The following AVEN variants were observed in gnomAD, a reference collection of about 807,000 sequenced individuals.
AVEN encodes cell death regulator Aven.
In AVEN, 41 loss-of-function variants were observed where a neutral mutation model predicts 38.1. That is an observed-to-expected ratio of 1.08 (90% confidence interval 0.84 to 1.40). The LOEUF (loss-of-function observed/expected upper bound fraction) is 1.40. Ranked by LOEUF, AVEN falls within the 40% of genes most tolerant of loss-of-function variation. The pLI is 0.00. For synonymous variants in AVEN, 206 were observed against 171.8 expected (o/e 1.20, Z -1.56); for missense variants, 605 against 438.8 (o/e 1.38, Z -3.38).
rs1239999553 is a variant in AVEN at position 33,871,178 on chromosome 15, G to A, written c.517-148C>T. The A allele has an allele frequency of 2.7e-5, 12 of 443,502 alleles. No individual in the cohort carries two copies. The South Asian group carries it at 6.1e-4, about 23-fold the overall frequency. 27.5% of individuals were successfully genotyped at this position (443,502 alleles called of 1,614,324 possible). A position where few individuals can be genotyped will look rare whatever the true frequency, so the allele number is the denominator to read the frequency against. ...ATCACACTTATGTGTTAGAGTTTCT[G>A]CATCTCCACATTATGATCAGTAAAA... On this transcript the variant is annotated intron_variant, in intron 3 of 5. Transcript: ENST00000306730.
At chr15:34,003,283 A>C in intron 1 of AVEN, 74 bp from the exon 2 acceptor site, 1 of 1,315,360 alleles carries the variant, frequency 7.6e-7, no homozygotes. Flanking sequence ...AGTAAAACAA[A>C]AAAGTACATG....
intron 1 of AVEN, among the ~76,000 whole-genome samples, chr15:34,021,660 G>T (rs183464614): frequency 6.6e-6 from 1 of 152,138 alleles, no homozygotes; most frequent in Admixed American, 6.5e-5. Context: ...TTTGAGACCA[G>T]CCTGGCTAAA....
Position 33,867,171 on chromosome 15 carries a change from G to A in AVEN, c.973+324C>T, listed in dbSNP as rs1411276965. Among the ~76,000 whole-genome samples the A allele has an allele frequency of 4.6e-5, 7 of 152,174 alleles. 1 individual carries two copies. Among genetic ancestry groups the A allele is most frequent in the South Asian group, 4.1e-4 (2 of 4,822 alleles). Reference sequence around the variant, plus strand: ...GGTATGAAGAGGTGGCCTGTCAGTCGATTAAAAGGGCCACTGCCAAAAAGC... The same window carrying A: ...GGTATGAAGAGGTGGCCTGTCAGTCAATTAAAAGGGCCACTGCCAAAAAGC... On this transcript the variant is annotated intron_variant, in intron 5 of 5. Transcript: ENST00000306730.
At chr15:34,057,131 G>GT (rs1209831253) in intron 5 of AVEN, among the ~76,000 whole-genome samples, 1 of 45,314 alleles carries the variant, frequency 2.2e-5, no homozygotes, top group Non-Finnish European at 1.5e-4. Flanking sequence ...GAAGAGTTTT[G>GT]GTTTTTTTTG....
intron 2 of AVEN, among the ~76,000 whole-genome samples, chr15:33,979,983 TA>T (rs1304391222): frequency 6.6e-6 from 1 of 152,192 alleles, no homozygotes; most frequent in Non-Finnish European, 1.5e-5. Context: ...TTCTGGGTTT[TA>T]AAAAATAATC....
At chr15:33,872,927 G>A (rs1207275526) in intron 3 of AVEN, among the ~76,000 whole-genome samples, 2 of 151,756 alleles carry the variant, frequency 1.3e-5, no homozygotes, top group Non-Finnish European at 2.9e-5. Flanking sequence ...GCCGACCTGT[G>A]TCCCTTCACC....
chr15:33,939,777 T>A (rs191458115), intron 2 of AVEN, among the ~76,000 whole-genome samples: 1 of 152,158 alleles, frequency 6.6e-6, no homozygotes, highest in Non-Finnish European at 1.5e-5. Flanking sequence ...TACCCCCTAA[T>A]GTAATGGTCT....
chr15:33,974,840 G>C (rs1408906106), intron 2 of AVEN, among the ~76,000 whole-genome samples: 1 of 152,156 alleles, frequency 6.6e-6, no homozygotes, highest in African/African-American at 2.4e-5. Flanking sequence ...GGGTGTGGTG[G>C]TGCATGCCTG....
downstream of AVEN, chr15:33,854,708 T>C: frequency 6.5e-7 from 1 of 1,543,012 alleles, no homozygotes; most frequent in South Asian, 1.3e-5. Context: ...AAAAATGTTT[T>C]ATAATGAGCA....
At chr15:33,916,399 G>A (rs753937816) in intron 2 of AVEN, among the ~76,000 whole-genome samples, 29 of 152,242 alleles carry the variant, frequency 1.9e-4, no homozygotes, top group Non-Finnish European at 1.2e-4. Context: ...CAGAAACTCC[G>A]CTGGGTGGCT....
At chr15:33,855,043 C>G (rs1213791851), downstream of AVEN, 1 of 935,388 alleles carries the variant, frequency 1.1e-6, no homozygotes, top group East Asian at 3.2e-5. Flanking sequence ...TGGCCAAACA[C>G]TTCAACTAAT....
intron 2 of AVEN, among the ~76,000 whole-genome samples, chr15:33,877,552 C>T (rs190227547): frequency 7.2e-5 from 11 of 152,342 alleles, no homozygotes; most frequent in East Asian, 3.9e-4. Flanking sequence ...CGGTGGCTCA[C>T]GCCTACAATC....
intron 2 of AVEN, among the ~76,000 whole-genome samples, chr15:33,974,158 G>A (rs563701015): frequency 2.0e-5 from 3 of 152,152 alleles, no homozygotes; most frequent in African/African-American, 7.2e-5. Context: ...GAATTTCATC[G>A]ATAATCCAAA....
At chr15:33,983,148 G>GTA (rs112045057) in intron 2 of AVEN, among the ~76,000 whole-genome samples, 21,680 of 137,202 alleles carry the variant, frequency 0.16, 3,112 homozygotes, top group African/African-American at 0.39. Context: ...GTGTGTGTGT[G>GTA]TGTGTGTGTG....
At chr15:33,957,268 C>T (rs1050136664) in intron 2 of AVEN, among the ~76,000 whole-genome samples, 2 of 152,162 alleles carry the variant, frequency 1.3e-5, no homozygotes, top group Non-Finnish European at 1.5e-5. Flanking sequence ...TTTAGCCACA[C>T]GTATATCCCA....
At chr15:33,952,541 G>C (rs1254859492) in intron 2 of AVEN, among the ~76,000 whole-genome samples, 2 of 152,124 alleles carry the variant, frequency 1.3e-5, no homozygotes, top group African/African-American at 4.8e-5. Flanking sequence ...TCTCCAAAAA[G>C]ATAGGAAACC....
upstream of AVEN, among the ~76,000 whole-genome samples, chr15:34,043,187 C>T (rs1250194698): frequency 6.6e-6 from 1 of 150,654 alleles, no homozygotes; most frequent in South Asian, 2.1e-4. Context: ...GCAGAGCTTG[C>T]AGTGAGCCGA....
exon 12 of AVEN, chr15:33,858,808 G>C (rs927008511): frequency 3.9e-5 from 6 of 152,208 alleles, no homozygotes; most frequent in African/African-American, 1.4e-4. Context: ...AAGAATCTGT[G>C]TCTCAGGGAC....
chr15:33,973,170 T>C (rs1471295071), intron 2 of AVEN, among the ~76,000 whole-genome samples: 3 of 152,236 alleles, frequency 2.0e-5, no homozygotes, highest in Non-Finnish European at 2.9e-5. Context: ...ACTGTTGTCA[T>C]CATCAGACTA....
Sources: allele counts gnomAD v4.1 joint callset (sites outside exome capture counted in the v4.1 genomes callset), GRCh38; gene constraint gnomAD v4.1.1; transcripts MANE v1.5; gene names NCBI Gene and HGNC (gene_info 2026-07-23, HGNC 2026-07-21).